Variants in CPEB1 observed in about 807,000 individuals in gnomAD.
The protein encoded by CPEB1 is cytoplasmic polyadenylation element-binding protein 1.
In CPEB1, 7 loss-of-function variants were observed where a neutral mutation model predicts 65.8. The observed-to-expected ratio is 0.11, with a 90% CI of 0.06 to 0.20. The LOEUF is 0.20. CPEB1 is among the 10% of genes least tolerant of loss of function. The probability of loss-of-function intolerance (pLI) is 1.00; values close to 1 mark genes in which losing one functional copy is unlikely to be tolerated. For synonymous variants in CPEB1, 262 were observed against 260.0 expected (o/e 1.01, Z -0.08); for missense variants, 551 against 712.2 (o/e 0.77, Z 2.58).
chr15:82,562,205 T>C (rs1217525961), intron 4 of CPEB1: 7 of 455,736 alleles, frequency 1.5e-5, no homozygotes, highest in East Asian at 7.0e-5. Context: ...TGTCTTCACA[T>C]TCCTCAGCAC....
intron 3 of CPEB1, among the ~76,000 whole-genome samples, chr15:82,593,859 T>C (rs1184571004): frequency 1.3e-5 from 2 of 152,210 alleles, no homozygotes; most frequent in African/African-American, 4.8e-5. Context: ...AGTGCATTGT[T>C]AATGAGCAGT....
Position 82,628,452 on chromosome 15 carries a change from G to C in CPEB1, c.8C>G (p.Ser3Cys), listed in dbSNP as rs1403138917. The stretch of plus-strand genomic sequence containing the variant: ...AGACGATGTTGAAGTAGCAATGCCA[G>C]AAAACATATTGACATTAGATGATCT... MFSGIATSTSSSM... is the reference protein window; with the variant it reads MFCGIATSTSSSM... The change falls in exon 2 of 13, where the codon TCT (serine) becomes TGT (cysteine). Residue 3 changes from serine to cysteine, a missense_variant. Around this residue, in one of 6 missense-constraint regions of CPEB1, gnomAD observed 223 missense variants for 228.6 expected, o/e 0.98. Transcript: ENST00000684509. 1.4e-6 allele frequency: 1 copy of C among 702,814 alleles called. No individual in the cohort carries two copies. Among genetic ancestry groups the C allele is most frequent in the Non-Finnish European group, 2.6e-6 (1 of 384,986 alleles). 43.5% of individuals were successfully genotyped at this position (702,814 alleles called of 1,614,324 possible).
intron 1 of CPEB1, among the ~76,000 whole-genome samples, chr15:82,643,566 T>C (rs933328182): frequency 6.6e-6 from 1 of 151,808 alleles, no homozygotes; most frequent in African/African-American, 2.4e-5. Flanking sequence ...GAGGCGGAGG[T>C]TGCAGTGAGC....
intron 3 of CPEB1, among the ~76,000 whole-genome samples, chr15:82,591,259 T>C (rs2042229679): frequency 6.7e-6 from 1 of 148,574 alleles, no homozygotes; most frequent in Non-Finnish European, 1.5e-5. Context: ...TTTTCATTTG[T>C]TTTTTGTTTT....
At chr15:82,626,979 C>T (rs1246909799) in intron 3 of CPEB1, among the ~76,000 whole-genome samples, 1 of 152,170 alleles carries the variant, frequency 6.6e-6, no homozygotes, top group Non-Finnish European at 1.5e-5. Flanking sequence ...CCCAACCTTT[C>T]TGTGTATCAT....
rs577109803 is a variant in CPEB1, at chr15:82,600,421, G to T, written c.271+26772C>A. Reference sequence around the variant, plus strand: ...ATTAAATATGCTCCTTGAGCAGAAGGAAAGTGAACCCACATGGAAGAGAAA... The same window carrying T: ...ATTAAATATGCTCCTTGAGCAGAAGTAAAGTGAACCCACATGGAAGAGAAA... On this transcript the variant is annotated intron_variant, in intron 3 of 12. Coordinates refer to ENST00000684509, the MANE Select transcript of CPEB1 (RefSeq NM_001365242.1). Among the ~76,000 whole-genome samples, 4 of 151,930 alleles carry T rather than the reference G, an allele frequency of 2.6e-5. No individual in the cohort carries two copies. In the East Asian group the frequency reaches 7.7e-4, roughly 29 times the overall value.
At chr15:82,628,298 C>T (rs1567232719) in intron 2 of CPEB1, 66 bp downstream of exon 2, 9 of 701,008 alleles carry the variant, frequency 1.3e-5, no homozygotes, top group East Asian at 5.4e-5. Flanking sequence ...GTAGATATGA[C>T]AAAAAAAGGT....
At chr15:82,636,994 A>G (rs1327525851) in intron 1 of CPEB1, among the ~76,000 whole-genome samples, 4 of 152,146 alleles carry the variant, frequency 2.6e-5, no homozygotes, top group Non-Finnish European at 5.9e-5. Context: ...AAAAAAACAA[A>G]GGCTCCAGAG....
Position 82,543,965 on chromosome 15 carries a change from T to C in CPEB1, c.*627A>G, listed in dbSNP as rs1410856845. 3 of 152,378 alleles carry C rather than the reference T, an allele frequency of 2.0e-5. No individual in the cohort carries two copies. Among genetic ancestry groups the C allele is most frequent in the Admixed American group, 6.5e-5 (1 of 15,292 alleles). The allele number at this position is 152,378 out of a possible 1,614,324, so 9.4% of individuals were successfully genotyped here. On this transcript the variant is annotated 3_prime_UTR_variant, in exon 13 of 13. Transcript: ENST00000684509. Reference sequence around the variant, plus strand: ...TGTTCCAAACGACTTAAAAACTGTTTTAAGGAGTGTAAAAAGGAACCGGTA... The same window carrying C: ...TGTTCCAAACGACTTAAAAACTGTTCTAAGGAGTGTAAAAAGGAACCGGTA...
intron 3 of CPEB1, among the ~76,000 whole-genome samples, chr15:82,615,108 G>C (rs2044588155): frequency 6.6e-6 from 1 of 152,100 alleles, no homozygotes; most frequent in East Asian, 1.9e-4. Flanking sequence ...GTCACAGCAA[G>C]TAAGTAGCAC....
chr15:82,575,723 A>G (rs1030770887), intron 3 of CPEB1, among the ~76,000 whole-genome samples: 2 of 152,090 alleles, frequency 1.3e-5, no homozygotes, highest in East Asian at 3.9e-4. Context: ...CCAAGTTAAA[A>G]CCACAGTGAG....
chr15:82,640,031 T>C (rs1318884387), intron 1 of CPEB1, among the ~76,000 whole-genome samples: 1 of 152,232 alleles, frequency 6.6e-6, no homozygotes, highest in East Asian at 1.9e-4. Context: ...TTGATGGTTT[T>C]TCTCCATATC....
Position 82,591,409 on chromosome 15 carries a change from C to T in CPEB1, c.272-19877G>A, listed in dbSNP as rs192776510. ...CCCGAGTAGCTGAAATTACTACGGG[C>T]GCCTGCCACCATGCCCAGCTAATTT... On this transcript the variant is annotated intron_variant, in intron 3 of 12. Coordinates refer to ENST00000684509, the MANE Select transcript of CPEB1 (RefSeq NM_001365242.1). 3.7e-3 allele frequency among the ~76,000 whole-genome samples: 564 copies of T among 152,196 alleles called. 1 individual carries two copies. Among genetic ancestry groups the T allele is most frequent in the Non-Finnish European group, 6.1e-3 (417 of 68,006 alleles).
rs189710586 is a variant in CPEB1, at chr15:82,567,795, T to C, written c.460+3549A>G. Among the ~76,000 whole-genome samples the C allele has an allele frequency of 5.3e-5, 8 of 152,032 alleles. No homozygotes were observed. The East Asian group carries it at 1.6e-3, about 29-fold the overall frequency. On this transcript the variant is annotated intron_variant, in intron 4 of 12. Coordinates refer to ENST00000684509, the MANE Select transcript of CPEB1 (RefSeq NM_001365242.1). ...TCTGTACAAGGCATCATTAAGAGAG[T>C]CCTTGTTTCCAGGTCCCCCACAGTA...
At chr15:82,568,730 G>C (rs564256332) in intron 4 of CPEB1, among the ~76,000 whole-genome samples, 19 of 152,306 alleles carry the variant, frequency 1.2e-4, no homozygotes, top group South Asian at 4.1e-4. Context: ...TATCATAGCA[G>C]ATGCAGCACT....
At chr15:82,641,172 T>C (rs1300078388) in intron 1 of CPEB1, among the ~76,000 whole-genome samples, 1 of 152,148 alleles carries the variant, frequency 6.6e-6, no homozygotes, top group African/African-American at 2.4e-5. Flanking sequence ...CTCCAAGTTA[T>C]ATGTAGGAGA....
Position 82,637,991 on chromosome 15 carries a change from T to C in CPEB1, c.-98+9146A>G, listed in dbSNP as rs542823446. On this transcript the variant is annotated intron_variant, in intron 1 of 12. Transcript: ENST00000684509. ...GACAAAAAAAATTTATGGAGTGGCA[T>C]TGACATTTTTGCAGATCTCTTTAGT... is the stretch of plus-strand genomic sequence containing the variant. The C allele has an allele frequency of 2.4e-4, 111 of 454,570 alleles. 2 individuals carry two copies. Among genetic ancestry groups the C allele is most frequent in the African/African-American group, 1.3e-3 (66 of 50,170 alleles). The allele number at this position is 454,570 out of a possible 1,614,324, so 28.2% of individuals were successfully genotyped here. A position where few individuals can be genotyped will look rare whatever the true frequency, so the allele number is the denominator to read the frequency against.
intron 3 of CPEB1, among the ~76,000 whole-genome samples, chr15:82,605,414 T>C (rs988604822): frequency 2.0e-5 from 3 of 151,982 alleles, no homozygotes; most frequent in African/African-American, 4.8e-5. Flanking sequence ...AAGGTATTGG[T>C]AAAAGGGTAC....
Position 82,544,171 on chromosome 15 carries a change from T to C in CPEB1, c.*421A>G, listed in dbSNP as rs2034759384. 1 of 159,540 alleles carries C rather than the reference T, an allele frequency of 6.3e-6. No homozygotes were observed. The highest frequency in any genetic ancestry group is 1.4e-5 in the Non-Finnish European group (1 of 72,828). The allele number at this position is 159,540 out of a possible 1,614,324, so 9.9% of individuals were successfully genotyped here. On this transcript the variant is annotated 3_prime_UTR_variant, in exon 13 of 13. Coordinates refer to ENST00000684509, the MANE Select transcript of CPEB1 (RefSeq NM_001365242.1). ...GAATGAAACCAATGAGACCTGCGCATCATCACCATCAGTATTGCAAGGAAT... is the reference window on the plus strand; with the variant it reads ...GAATGAAACCAATGAGACCTGCGCACCATCACCATCAGTATTGCAAGGAAT...
Sources: gnomAD v4.1 joint callset for allele counts (sites outside exome capture counted in the v4.1 genomes callset) on GRCh38, gnomAD v4.1.1 for gene constraint, gnomAD v4.1.1 regional missense constraint, MANE v1.5 for transcripts, NCBI Gene and HGNC (gene_info 2026-07-23, HGNC 2026-07-21) for gene names.